GNA12: variants seen among roughly 807,000 people sequenced by gnomAD.
The protein encoded by GNA12 is G protein subunit alpha 12, also known as guanine nucleotide-binding protein subunit alpha-12.
Under a neutral mutation model 26.0 loss-of-function variants are expected in GNA12, and 9 were observed. The ratio of observed to expected loss-of-function variants is 0.35; its 90% CI spans 0.21 to 0.60. The LOEUF is 0.60. Ranked by LOEUF, GNA12 falls within the 20% of genes least tolerant of loss-of-function variation. GNA12 has a pLI of 0.78. For synonymous variants in GNA12, 264 were observed against 219.6 expected (o/e 1.20, Z -1.79); for missense variants, 405 against 525.8 (o/e 0.77, Z 2.25).
At chr7:2,800,725 G>A (rs1028158396) in intron 1 of GNA12, among the ~76,000 whole-genome samples, 5 of 152,204 alleles carry the variant, frequency 3.3e-5, no homozygotes, top group African/African-American at 1.2e-4. Flanking sequence ...GCCTCAGACG[G>A]AGCTTTCCGA....
chr7:2,741,867 A>G (rs1032402832), intron 2 of GNA12, among the ~76,000 whole-genome samples: 1 of 150,658 alleles, frequency 6.6e-6, no homozygotes, highest in Non-Finnish European at 1.5e-5. Flanking sequence ...TGACTGTCTC[A>G]TAATTACCAC....
At chr7:2,779,545 A>C (rs1177928480) in intron 2 of GNA12, among the ~76,000 whole-genome samples, 5 of 151,706 alleles carry the variant, frequency 3.3e-5, no homozygotes, top group African/African-American at 1.2e-4. Flanking sequence ...TTTATAATTC[A>C]CTCTAAAATT....
intron 1 of GNA12, among the ~76,000 whole-genome samples, chr7:2,813,803 A>T (rs940517676): frequency 5.9e-5 from 9 of 152,086 alleles, no homozygotes; most frequent in African/African-American, 2.2e-4. Context: ...TGTGATGTTA[A>T]TTTCACTGAA....
chr7:2,815,661 C>G (rs1793201839), intron 1 of GNA12, among the ~76,000 whole-genome samples: 1 of 152,256 alleles, frequency 6.6e-6, no homozygotes, highest in African/African-American at 2.4e-5. Flanking sequence ...AGGCTCTTGC[C>G]CACAAGTACC....
intron 2 of GNA12, among the ~76,000 whole-genome samples, chr7:2,746,288 G>T (rs1053665416): frequency 2.0e-5 from 3 of 152,154 alleles, no homozygotes; most frequent in African/African-American, 7.2e-5. Flanking sequence ...GCACTCCTCA[G>T]CAAATGTAAA....
At chr7:2,735,857 G>A (rs1466519092) in intron 2 of GNA12, among the ~76,000 whole-genome samples, 1 of 152,162 alleles carries the variant, frequency 6.6e-6, no homozygotes, top group African/African-American at 2.4e-5. Context: ...TAAGGTGCCA[G>A]GGACTGTGCC....
At position 2,739,792 on chromosome 7, in the gene GNA12, C is replaced by A. The variant is rs568817158; in HGVS notation, c.526-6291G>T. 5.9e-5 allele frequency among the ~76,000 whole-genome samples: 9 copies of A among 152,256 alleles called. No individual in the cohort carries two copies. In the South Asian group the frequency reaches 1.9e-3, roughly 32 times the overall value. ...GGTTCAAGCAGTTCTCTTGCCTCAGCCTCCCAAGTAGCTGGATTACAGGCG... is the reference window on the plus strand; with the variant it reads ...GGTTCAAGCAGTTCTCTTGCCTCAGACTCCCAAGTAGCTGGATTACAGGCG... On this transcript the variant is annotated intron_variant, in intron 2 of 3. Transcript: ENST00000275364.
chr7:2,790,076 C>A (rs1351158902), intron 2 of GNA12, among the ~76,000 whole-genome samples: 5 of 152,210 alleles, frequency 3.3e-5, no homozygotes, highest in Non-Finnish European at 7.3e-5. Context: ...GCCCTGCCGG[C>A]TGCTTTCCCA....
chr7:2,739,893 G>A (rs191353452), intron 2 of GNA12, among the ~76,000 whole-genome samples: 3 of 152,098 alleles, frequency 2.0e-5, no homozygotes, highest in African/African-American at 7.2e-5. Context: ...GGCTGGTCTC[G>A]AACTCCTGAC....
At chr7:2,775,383 T>C (rs1484630761) in intron 2 of GNA12, 1 of 151,788 alleles carries the variant, frequency 6.6e-6, no homozygotes, top group Non-Finnish European at 1.5e-5. Context: ...AGTCATGGGG[T>C]CTAAAAAGGT....
chr7:2,781,847 A>G (rs1009841424), intron 2 of GNA12, among the ~76,000 whole-genome samples: 1 of 152,204 alleles, frequency 6.6e-6, no homozygotes, highest in African/African-American at 2.4e-5. Flanking sequence ...GGGAACGCAA[A>G]TCAAAACCAC....
rs141064819 is a variant in GNA12, at chr7:2,764,391, T to G, written c.525+30537A>C. On this transcript the variant is annotated intron_variant, in intron 2 of 3. Transcript: ENST00000275364. Reference sequence around the variant, plus strand: ...TGCTCCCGCATCCAGGCAGTCTGGTTTATTATTCACACAGAAGTACATCTG... The same window carrying G: ...TGCTCCCGCATCCAGGCAGTCTGGTGTATTATTCACACAGAAGTACATCTG... Among the ~76,000 whole-genome samples, 105 of 152,210 alleles carry G rather than the reference T, an allele frequency of 6.9e-4. 3 individuals are homozygous for G. The East Asian group carries it at 0.016, about 24-fold the overall frequency.
intron 1 of GNA12, among the ~76,000 whole-genome samples, chr7:2,829,676 C>G (rs1189237558): frequency 6.6e-6 from 1 of 152,130 alleles, no homozygotes; most frequent in Admixed American, 6.5e-5. Context: ...CTCTTCTTAC[C>G]CTGTTTTTCA....
At chr7:2,762,482 C>T (rs1227320574) in intron 2 of GNA12, 17 of 709,264 alleles carry the variant, frequency 2.4e-5, no homozygotes, top group African/African-American at 5.6e-5. Context: ...CACCCGTGTG[C>T]GGGGCCTGAG....
At chr7:2,755,576 A>T (rs745696128) in intron 2 of GNA12, among the ~76,000 whole-genome samples, 17 of 152,190 alleles carry the variant, frequency 1.1e-4, no homozygotes, top group Non-Finnish European at 1.3e-4. Context: ...AGTAAAATTT[A>T]TATTTTGTAT....
At chr7:2,839,230 G>A (rs549211876) in intron 1 of GNA12, among the ~76,000 whole-genome samples, 55 of 146,218 alleles carry the variant, frequency 3.8e-4, no homozygotes, top group Admixed American at 7.6e-4. Context: ...AGAGACAACA[G>A]GAAAATCTTT....
intron 1 of GNA12, among the ~76,000 whole-genome samples, chr7:2,802,878 G>A (rs906039037): frequency 6.6e-6 from 1 of 152,218 alleles, no homozygotes; most frequent in Admixed American, 6.5e-5. Context: ...AGAAACTGAC[G>A]AAGGGAGGCA....
chr7:2,740,770 C>T (rs994257679), intron 2 of GNA12, among the ~76,000 whole-genome samples: 4 of 152,134 alleles, frequency 2.6e-5, no homozygotes, highest in African/African-American at 7.2e-5. Flanking sequence ...TAGGGCTCGC[C>T]GCGGTGACTC....
chr7:2,770,861 A>G (rs1791930741), intron 2 of GNA12, among the ~76,000 whole-genome samples: 1 of 152,242 alleles, frequency 6.6e-6, no homozygotes, highest in African/African-American at 2.4e-5. Context: ...GCCTAAGTGC[A>G]AGGCCATCGT....
Sources: allele counts gnomAD v4.1 joint callset (sites outside exome capture counted in the v4.1 genomes callset), GRCh38; gene constraint gnomAD v4.1.1; transcripts MANE v1.5; gene names NCBI Gene and HGNC (gene_info 2026-07-23, HGNC 2026-07-21).